Variants in SLC24A4 observed in about 807,000 individuals in gnomAD.
SLC24A4 encodes the protein solute carrier family 24 member 4, also known as sodium/potassium/calcium exchanger 4.
Under a neutral mutation model 79.0 loss-of-function variants are expected in SLC24A4, and 53 were observed. The observed-to-expected ratio is 0.67, with a 90% CI of 0.54 to 0.84. SLC24A4 has a LOEUF of 0.84. Among genes scored for constraint, SLC24A4 ranks in the 40% least tolerant of loss-of-function variants. The pLI, the probability that SLC24A4 is intolerant of heterozygous loss-of-function variation, is 0.00. For missense variants in SLC24A4, 731 were observed against 822.0 expected (o/e 0.89, Z 1.35); for synonymous variants, 323 against 323.8 (o/e 1.00, Z 0.03).
At chr14:92,451,683 C>T (rs552725210) in intron 10 of SLC24A4, 1 of 152,262 alleles carries the variant, frequency 6.6e-6, no homozygotes, top group Non-Finnish European at 1.5e-5. Context: ...CTTTTCCCCA[C>T]CACACTGATA....
intron 13 of SLC24A4, chr14:92,483,817 A>G (rs1272342144): frequency 1.6e-6 from 2 of 1,289,858 alleles, no homozygotes; most frequent in South Asian, 1.2e-5. Context: ...AGTGGTTAAC[A>G]TCGAGTCCCT....
intron 2 of SLC24A4, among the ~76,000 whole-genome samples, chr14:92,392,065 A>G (rs568256119): frequency 6.6e-6 from 1 of 151,626 alleles, no homozygotes; most frequent in South Asian, 2.1e-4. Context: ...GCTTAAGGAC[A>G]CTCCAGGAGA....
intron 6 of SLC24A4, among the ~76,000 whole-genome samples, chr14:92,443,030 G>A (rs1431850906): frequency 6.6e-6 from 1 of 152,198 alleles, no homozygotes; most frequent in East Asian, 1.9e-4. Context: ...AGCCCCAGGG[G>A]GAATGTTGGA....
At chr14:92,493,445 C>A in intron 16 of SLC24A4, 31 bp from the exon 17 acceptor site, 1 of 1,611,972 alleles carries the variant, frequency 6.2e-7, no homozygotes, top group Non-Finnish European at 8.5e-7. Flanking sequence ...CTTTGCCCTG[C>A]AAGCCCAGTT....
intron 2 of SLC24A4, among the ~76,000 whole-genome samples, chr14:92,327,601 T>C (rs1296818147): frequency 6.6e-6 from 1 of 152,212 alleles, no homozygotes; most frequent in African/African-American, 2.4e-5. Context: ...TTGGGTGGTT[T>C]CAAGCTTGCT....
At chr14:92,419,279 C>T (rs1028225996) in intron 2 of SLC24A4, among the ~76,000 whole-genome samples, 7 of 152,180 alleles carry the variant, frequency 4.6e-5, no homozygotes, top group Admixed American at 4.6e-4. Flanking sequence ...AGGTGTCATT[C>T]CAGCCTTCCT....
chr14:92,366,725 C>T (rs1249779605), intron 2 of SLC24A4, among the ~76,000 whole-genome samples: 1 of 152,250 alleles, frequency 6.6e-6, no homozygotes, highest in Non-Finnish European at 1.5e-5. Flanking sequence ...ATGGCCTAAC[C>T]TTCTGTCGGC....
rs943713950 is a variant in SLC24A4 at position 92,448,501 on chromosome 14, ATTTATAATGTT to A, written c.738-570_738-560del. 3.9e-5 allele frequency among the ~76,000 whole-genome samples: 6 copies of A among 152,294 alleles called. No homozygotes were observed. In the East Asian group the frequency reaches 7.7e-4, roughly 20 times the overall value. ...TATAAATCCCACATTTATATAAAAC[ATTTATAATGTT>A]TTATAAAGATGGGTGATAAACTATC... On this transcript the variant is annotated intron_variant, in intron 9 of 16. Coordinates refer to ENST00000532405, the MANE Select transcript of SLC24A4 (RefSeq NM_153646.4).
Position 92,445,193 on chromosome 14 carries a change from G to T in SLC24A4, c.658-124G>T, listed in dbSNP as rs560769845. 1.2e-5 allele frequency: 12 copies of T among 1,033,100 alleles called. No homozygotes were observed. In the African/African-American group the frequency reaches 1.7e-4, roughly 15 times the overall value. 64.0% of individuals were successfully genotyped at this position (1,033,100 alleles called of 1,614,324 possible). On this transcript the variant is annotated intron_variant, in intron 7 of 16. Coordinates refer to ENST00000532405, the MANE Select transcript of SLC24A4 (RefSeq NM_153646.4). ...GCCCGTAGGTGAGCAGCTCAGAAAT[G>T]GACCCATAACACATATAACAAGGCC...
intron 2 of SLC24A4, among the ~76,000 whole-genome samples, chr14:92,361,004 G>C (rs1226125569): frequency 6.6e-6 from 1 of 152,180 alleles, no homozygotes; most frequent in Admixed American, 6.5e-5. Flanking sequence ...AAATGAAAGG[G>C]AACAGTTTAA....
intron 2 of SLC24A4, among the ~76,000 whole-genome samples, chr14:92,326,929 A>T (rs562494808): frequency 6.6e-6 from 1 of 151,918 alleles, no homozygotes; most frequent in Non-Finnish European, 1.5e-5. Flanking sequence ...TGTGTTGGGG[A>T]CTGGGTATAA....
intron 2 of SLC24A4, among the ~76,000 whole-genome samples, chr14:92,425,974 C>A (rs1047980453): frequency 6.6e-6 from 1 of 152,058 alleles, no homozygotes; most frequent in Non-Finnish European, 1.5e-5. Context: ...CAGAGTGAGA[C>A]CCTGTTTCAA....
At chr14:92,436,063 G>GT (rs936384878) in intron 3 of SLC24A4, among the ~76,000 whole-genome samples, 2 of 152,114 alleles carry the variant, frequency 1.3e-5, no homozygotes, top group African/African-American at 2.4e-5. Flanking sequence ...TTGTTTGTTT[G>GT]TTTTTTTAAA....
At chr14:92,392,809 C>T (rs1054479190) in intron 2 of SLC24A4, among the ~76,000 whole-genome samples, 13 of 146,124 alleles carry the variant, frequency 8.9e-5, no homozygotes, top group African/African-American at 4.9e-5. Context: ...ACATGGGAGG[C>T]GCCATCTGTG....
At position 92,498,426 on chromosome 14, in the gene SLC24A4, G is replaced by C. The variant is rs1024748372; in HGVS notation, c.*4798G>C. 6.6e-6 allele frequency: 1 copy of C among 152,248 alleles called. No homozygotes were observed. The highest frequency in any genetic ancestry group is 1.5e-5 in the Non-Finnish European group (1 of 68,102). 9.4% of individuals were successfully genotyped at this position (152,248 alleles called of 1,614,324 possible). A position where few individuals can be genotyped will look rare whatever the true frequency, so the allele number is the denominator to read the frequency against. On this transcript the variant is annotated 3_prime_UTR_variant, in exon 17 of 17. Transcript: ENST00000532405. ...CAGCCTTTACCAGCCCGGCTTGTGT[G>C]GGGGGCCCCTTCGCCTTGCTGCAAA...
intron 2 of SLC24A4, among the ~76,000 whole-genome samples, chr14:92,396,363 A>T (rs1391590066): frequency 6.6e-6 from 1 of 152,190 alleles, no homozygotes; most frequent in African/African-American, 2.4e-5. Flanking sequence ...CTGTGGAGTG[A>T]TGCTTCTTTT....
At chr14:92,445,184 C>T (rs1003833306) in intron 7 of SLC24A4, 133 bp from the exon 8 acceptor site, 4 of 981,328 alleles carry the variant, frequency 4.1e-6, no homozygotes, top group Admixed American at 3.5e-5. Flanking sequence ...AGGTGAGCAG[C>T]TCAGAAATGG....
chr14:92,355,621 A>T (rs1011271876), intron 2 of SLC24A4, among the ~76,000 whole-genome samples: 8 of 152,176 alleles, frequency 5.3e-5, no homozygotes, highest in African/African-American at 1.9e-4. Flanking sequence ...TTGTCTGGGG[A>T]CGAGCAAAGG....
At chr14:92,435,925 T>G (rs1892140478) in intron 3 of SLC24A4, among the ~76,000 whole-genome samples, 1 of 152,208 alleles carries the variant, frequency 6.6e-6, no homozygotes, top group African/African-American at 2.4e-5. Context: ...CGTGAAAGTC[T>G]TGGCATAGCT....
Sources: gnomAD v4.1 joint callset for allele counts (sites outside exome capture counted in the v4.1 genomes callset) on GRCh38, gnomAD v4.1.1 for gene constraint, MANE v1.5 for transcripts, NCBI Gene and HGNC (gene_info 2026-07-23, HGNC 2026-07-21) for gene names.